STK3: variants seen among roughly 807,000 people sequenced by gnomAD.
STK3 encodes the protein serine/threonine-protein kinase 3.
Under a neutral mutation model 58.0 loss-of-function variants are expected in STK3, and 41 were observed. That is an observed-to-expected ratio of 0.71 (90% CI 0.55 to 0.92). The LOEUF (loss-of-function observed/expected upper bound fraction) is 0.92. Among genes scored for constraint, STK3 ranks in the 40% least tolerant of loss-of-function variants. The pLI is 0.00. For synonymous variants in STK3, 170 were observed against 191.0 expected (o/e 0.89, Z 0.91); for missense variants, 479 against 602.7 (o/e 0.79, Z 2.15).
chr8:98,463,732 T>C (rs1370895326), intron 10 of STK3, among the ~76,000 whole-genome samples: 1 of 152,120 alleles, frequency 6.6e-6, no homozygotes, highest in Non-Finnish European at 1.5e-5. Context: ...GGAAAAACAC[T>C]AAGATTTCTA....
At chr8:98,465,201 G>GGT (rs1820373023) in intron 10 of STK3, among the ~76,000 whole-genome samples, 1 of 152,102 alleles carries the variant, frequency 6.6e-6, no homozygotes, top group Non-Finnish European at 1.5e-5. Context: ...CCGTTTGACA[G>GGT]GTGAGGATGC....
intron 1 of STK3, among the ~76,000 whole-genome samples, chr8:98,903,916 C>T (rs1175372241): frequency 1.3e-5 from 2 of 152,144 alleles, no homozygotes; most frequent in African/African-American, 4.8e-5. Flanking sequence ...CACAATAGGA[C>T]AGTGATTATA....
At chr8:98,694,765 GT>G (rs1477509922) in intron 6 of STK3, among the ~76,000 whole-genome samples, 1 of 152,144 alleles carries the variant, frequency 6.6e-6, no homozygotes, top group Admixed American at 6.5e-5. Context: ...GGACATTTGG[GT>G]TGGTTCCAAG....
In STK3 at chr8:98,662,061, G is replaced by A. The variant is rs543628073; in HGVS notation, c.684+44406C>T. 5.3e-5 allele frequency among the ~76,000 whole-genome samples: 8 copies of A among 151,824 alleles called. No individual in the cohort carries two copies. In the South Asian group the frequency reaches 1.5e-3, roughly 28 times the overall value. ...CTCCTATTTTTTGTCCCTAGTATAC[G>A]CAAAAAATGTCTGCCATGGAGTAAG... is the stretch of plus-strand genomic sequence containing the variant. On this transcript the variant is annotated intron_variant, in intron 6 of 10. Coordinates refer to ENST00000419617, the MANE Select transcript of STK3 (RefSeq NM_006281.4).
chr8:98,811,587 G>A, intron 1 of STK3, among the ~76,000 whole-genome samples: 1 of 142,030 alleles, frequency 7.0e-6, no homozygotes, highest in African/African-American at 2.7e-5. Context: ...GTTTCATCTT[G>A]AATACTGTTA....
chr8:98,805,555 C>A (rs1475980610), intron 1 of STK3, among the ~76,000 whole-genome samples: 1 of 151,826 alleles, frequency 6.6e-6, no homozygotes, highest in African/African-American at 2.4e-5. Flanking sequence ...GCCTGGGCGA[C>A]AAGAGCAAAA....
chr8:98,737,467 A>G (rs894760970), intron 4 of STK3, among the ~76,000 whole-genome samples: 24 of 152,218 alleles, frequency 1.6e-4, no homozygotes, highest in African/African-American at 5.8e-4. Flanking sequence ...TGGATTACAA[A>G]AAAGGTACAT....
intron 6 of STK3, among the ~76,000 whole-genome samples, chr8:98,659,624 T>C (rs1003292047): frequency 2.0e-5 from 3 of 151,956 alleles, no homozygotes; most frequent in Non-Finnish European, 4.4e-5. Flanking sequence ...GTGTAGAGTT[T>C]GCATGCTAGT....
intron 4 of STK3, among the ~76,000 whole-genome samples, chr8:98,748,240 G>C (rs1395870914): frequency 6.6e-6 from 1 of 152,112 alleles, no homozygotes; most frequent in African/African-American, 2.4e-5. Flanking sequence ...TTCCACTGAA[G>C]CATTTTTCTG....
At chr8:98,883,871 A>T (rs2131903903) in intron 1 of STK3, 1 of 597,958 alleles carries the variant, frequency 1.7e-6, no homozygotes, top group South Asian at 2.1e-5. Context: ...TAGTTCAGTC[A>T]ACTGAAGCCA....
chr8:98,452,276 G>GT (rs1286396771), downstream of STK3, among the ~76,000 whole-genome samples: 5 of 152,164 alleles, frequency 3.3e-5, no homozygotes, highest in Admixed American at 2.6e-4. Flanking sequence ...TATAACAGCG[G>GT]TAAGTAATGT....
intron 1 of STK3, among the ~76,000 whole-genome samples, chr8:98,442,944 C>T (rs920376214): frequency 5.3e-5 from 8 of 150,832 alleles, no homozygotes; most frequent in Non-Finnish European, 8.8e-5. Flanking sequence ...TTTGTACCAA[C>T]GACCACAGAA....
At chr8:98,739,765 GAGA>G (rs1455130641) in intron 4 of STK3, among the ~76,000 whole-genome samples, 1 of 148,216 alleles carries the variant, frequency 6.7e-6, no homozygotes, top group Non-Finnish European at 1.5e-5. Context: ...GACGAGTTGA[GAGA>G]AGAAGGCTTC....
In STK3 at chr8:98,800,513, G is replaced by A. The variant is rs1020609260; in HGVS notation, c.26+25002C>T. Among the ~76,000 whole-genome samples, 11 of 152,344 alleles carry A rather than the reference G, an allele frequency of 7.2e-5. No homozygotes were observed. The highest frequency in any genetic ancestry group is 3.9e-4 in the East Asian group (2 of 5,180). On this transcript the variant is annotated intron_variant, in intron 1 of 10. Coordinates refer to ENST00000419617, the MANE Select transcript of STK3 (RefSeq NM_006281.4). The surrounding 1 kb of genome is among the most constrained non-coding windows in gnomAD (Gnocchi z 4.8). ...CGCTTGAGGAGCCCTTCAGCCTGCC[G>A]CTGCACTGTGGGAGCCCCTCTCTGG...
chr8:98,612,680 A>G (rs1817296785), intron 6 of STK3, among the ~76,000 whole-genome samples: 1 of 152,152 alleles, frequency 6.6e-6, no homozygotes, highest in Non-Finnish European at 1.5e-5. Flanking sequence ...CAAAAGATGA[A>G]GAGAAGAACA....
At chr8:98,353,242 G>C in the STK3 span, among the ~76,000 whole-genome samples, 6 of 152,190 alleles carry the variant, frequency 3.9e-5, no homozygotes, top group African/African-American at 1.4e-4. Context: ...GGTAGGCAGA[G>C]ACAGGAGGAT....
intron 4 of STK3, among the ~76,000 whole-genome samples, chr8:98,713,175 G>A (rs974634903): frequency 6.6e-6 from 1 of 152,104 alleles, no homozygotes; most frequent in African/African-American, 2.4e-5. Flanking sequence ...ACCCAAAAGA[G>A]AAAGCAGGAA....
intron 1 of STK3, among the ~76,000 whole-genome samples, chr8:98,904,377 G>T (rs1310200402): frequency 6.6e-6 from 1 of 152,050 alleles, no homozygotes; most frequent in East Asian, 1.9e-4. Context: ...AGAATATAAG[G>T]AACAGAGTAA....
chr8:98,891,553 C>T (rs1161735758), intron 1 of STK3, among the ~76,000 whole-genome samples: 1 of 151,622 alleles, frequency 6.6e-6, no homozygotes, highest in Admixed American at 6.6e-5. Flanking sequence ...TTTAGGTTGC[C>T]TGGGGTTTTG....
Sources: gnomAD v4.1 joint callset for allele counts (sites outside exome capture counted in the v4.1 genomes callset) on GRCh38, gnomAD v4.1.1 for gene constraint, Gnocchi (gnomAD v3.1) non-coding constraint, MANE v1.5 for transcripts, NCBI Gene and HGNC (gene_info 2026-07-23, HGNC 2026-07-21) for gene names.